Variants in UQCC1 observed in about 807,000 individuals in gnomAD.
UQCC1 encodes bFGF-repressed Zic-binding protein.
Under a neutral mutation model 48.0 loss-of-function variants are expected in UQCC1, and 38 were observed. That is an observed-to-expected ratio of 0.79 (90% confidence interval 0.61 to 1.04). The LOEUF (loss-of-function observed/expected upper bound fraction) is 1.04, where lower values mean the gene tolerates loss of function less well. Ranked by LOEUF, UQCC1 falls within the 50% of genes least tolerant of loss-of-function variation. The pLI is 0.00. For synonymous variants in UQCC1, 111 were observed against 129.2 expected (o/e 0.86, Z 0.95); for missense variants, 368 against 381.8 (o/e 0.96, Z 0.30).
chr20:35,319,594 C>A (rs369211978), intron 7 of UQCC1, among the ~76,000 whole-genome samples: 1 of 151,932 alleles, frequency 6.6e-6, no homozygotes, highest in Non-Finnish European at 1.5e-5. Flanking sequence ...AGGCCAGGGA[C>A]GGGTCCTGGA....
rs1370852913 is a variant in UQCC1 at position 35,410,716 on chromosome 20, A to AAAAAAAAAAAAAAAAAAAC, written c.24+1223_24+1224insGTTTTTTTTTTTTTTTTTT. Among the ~76,000 whole-genome samples the AAAAAAAAAAAAAAAAAAAC allele has an allele frequency of 2.0e-4, 22 of 108,758 alleles. 1 individual carries two copies. Among genetic ancestry groups the AAAAAAAAAAAAAAAAAAAC allele is most frequent in the African/African-American group, 5.4e-4 (14 of 25,900 alleles). The allele number at this position is 108,758 out of a possible 152,430, so 71.3% of individuals were successfully genotyped here. A position where few individuals can be genotyped will look rare whatever the true frequency, so the allele number is the denominator to read the frequency against. The stretch of plus-strand genomic sequence containing the variant: ...CAAGACTCTGCCTCAAAAAAAAAAA[A>AAAAAAAAAAAAAAAAAAAC]AAAAAAAACAAAACCCTAAAGGGTG... On this transcript the variant is annotated intron_variant, in intron 1 of 9. Coordinates refer to ENST00000374385, the MANE Select transcript of UQCC1 (RefSeq NM_018244.5).
At chr20:35,329,336 A>G (rs1483305708) in intron 7 of UQCC1, among the ~76,000 whole-genome samples, 4 of 152,218 alleles carry the variant, frequency 2.6e-5, no homozygotes, top group Admixed American at 1.3e-4. Flanking sequence ...TCAGTAGGAC[A>G]GTTGAGGCCC....
Position 35,303,735 on chromosome 20 carries a change from G to A in UQCC1, c.*200C>T, listed in dbSNP as rs931109916. ...AGAGGACACCCCGGGAGAGCTAGGG[G>A]TTCTCCCAGCCCTGTACCCCAGCAG... On this transcript the variant is annotated 3_prime_UTR_variant, in exon 10 of 10. Coordinates refer to ENST00000374385, the MANE Select transcript of UQCC1 (RefSeq NM_018244.5). The A allele has an allele frequency of 4.7e-5, 33 of 700,400 alleles. No homozygotes were observed. The highest frequency in any genetic ancestry group is 7.3e-5 in the Non-Finnish European group (31 of 426,510). The allele number at this position is 700,400 out of a possible 1,614,324, so 43.4% of individuals were successfully genotyped here. A position where few individuals can be genotyped will look rare whatever the true frequency, so the allele number is the denominator to read the frequency against.
intron 1 of UQCC1, among the ~76,000 whole-genome samples, chr20:35,402,585 AAAC>A (rs2062181367): frequency 6.4e-5 from 1 of 15,514 alleles, no homozygotes. Flanking sequence ...CTCAAAAAAC[AAAC>A]AAACAAACAA....
chr20:35,411,568 C>T (rs775243574), intron 1 of UQCC1, among the ~76,000 whole-genome samples: 1 of 152,114 alleles, frequency 6.6e-6, no homozygotes, highest in Non-Finnish European at 1.5e-5. Flanking sequence ...CCAAAAGTGA[C>T]TTGCTTAAAG....
chr20:35,311,917 C>T (rs2060999494), intron 8 of UQCC1, among the ~76,000 whole-genome samples: 2 of 152,178 alleles, frequency 1.3e-5, no homozygotes, highest in South Asian at 4.1e-4. Context: ...GAATTGTAAT[C>T]TTCAGAGAGG....
chr20:35,381,676 C>A (rs564056836), intron 4 of UQCC1, among the ~76,000 whole-genome samples: 2 of 152,184 alleles, frequency 1.3e-5, no homozygotes, highest in Non-Finnish European at 2.9e-5. Flanking sequence ...CAACCAAGAA[C>A]ACAGCTTCAA....
At chr20:35,397,149 A>G (rs1336680399) in intron 1 of UQCC1, among the ~76,000 whole-genome samples, 1 of 150,618 alleles carries the variant, frequency 6.6e-6, no homozygotes, top group East Asian at 1.9e-4. Flanking sequence ...AAGTGAGCAG[A>G]GATTGTGCCA....
At chr20:35,355,169 ATTG>A (rs1216274590) in intron 6 of UQCC1, among the ~76,000 whole-genome samples, 2 of 152,192 alleles carry the variant, frequency 1.3e-5, no homozygotes, top group Non-Finnish European at 2.9e-5. Flanking sequence ...CCAGATGGGA[ATTG>A]TTATTTTTCT....
In UQCC1 at chr20:35,314,668, G is replaced by A; in HGVS notation, c.651+20C>T. 6.3e-7 allele frequency: 1 copy of A among 1,596,718 alleles called. No individual in the cohort carries two copies. The highest frequency in any genetic ancestry group is 8.6e-7 in the Non-Finnish European group (1 of 1,167,142). On this transcript the variant is annotated intron_variant, in intron 8 of 9. Coordinates refer to ENST00000374385, the MANE Select transcript of UQCC1 (RefSeq NM_018244.5). ...TGGGGGAGGCCACCGTCCTGCCTAA[G>A]CCTTGGCAAACAATCTTACCTCATC... is the stretch of plus-strand genomic sequence containing the variant.
chr20:35,384,048 G>C lies in UQCC1; in HGVS notation c.215C>G (p.Thr72Ser). Residue 72 changes from threonine to serine, a missense_variant, in exon 3 of 10, where the codon ACC (threonine) becomes AGC (serine). Thr to Ser is a moderately conservative substitution (Grantham distance 58). Coordinates refer to ENST00000374385, the MANE Select transcript of UQCC1 (RefSeq NM_018244.5). ...IDIQLNRKYH[T>S]TRKLSTTKDS... ...ACTGATAATTCTCACCTTACGTGTG[G>C]TGTGATACTTCCTATTCAGCTGTAT... 6.2e-7 allele frequency: 1 copy of C among 1,611,880 alleles called. No individual in the cohort carries two copies. The highest frequency in any genetic ancestry group is 8.5e-7 in the Non-Finnish European group (1 of 1,178,188).
intron 7 of UQCC1, among the ~76,000 whole-genome samples, chr20:35,339,215 A>G (rs932913836): frequency 1.3e-5 from 2 of 152,226 alleles, no homozygotes. Context: ...GCAAGTATTT[A>G]TGTTCATCCA....
At chr20:35,314,843 A>C in intron 7 of UQCC1, 78 bp from the exon 8 acceptor site, 1 of 1,156,978 alleles carries the variant, frequency 8.6e-7, no homozygotes, top group East Asian at 2.5e-5. Context: ...TTTGACTCTT[A>C]GCTGTCACAG....
At chr20:35,400,481 C>CA (rs542679596) in intron 1 of UQCC1, among the ~76,000 whole-genome samples, 15 of 147,498 alleles carry the variant, frequency 1.0e-4, no homozygotes, top group African/African-American at 1.2e-4. Context: ...ACTTCAAAAC[C>CA]AAAAAAAAAA....
intron 1 of UQCC1, among the ~76,000 whole-genome samples, chr20:35,406,229 C>T (rs769710601): frequency 6.6e-6 from 1 of 152,120 alleles, no homozygotes; most frequent in African/African-American, 2.4e-5. Flanking sequence ...ACATCCCAAA[C>T]ATAATGGAAA....
chr20:35,409,426 C>T (rs1286738671), intron 1 of UQCC1: 2 of 168,994 alleles, frequency 1.2e-5, no homozygotes, highest in South Asian at 1.5e-4. Context: ...GCCAAGATCA[C>T]GCCATTGCAC....
chr20:35,392,540 C>A (rs2062025868), intron 2 of UQCC1, among the ~76,000 whole-genome samples: 1 of 152,202 alleles, frequency 6.6e-6, no homozygotes, highest in African/African-American at 2.4e-5. Context: ...CATCTACACA[C>A]ATACAAATAA....
intron 2 of UQCC1, among the ~76,000 whole-genome samples, chr20:35,387,701 A>T (rs993831524): frequency 1.3e-5 from 2 of 152,172 alleles, no homozygotes; most frequent in Non-Finnish European, 2.9e-5. Context: ...GCTGGAAGAA[A>T]TCTCAGAGAT....
intron 8 of UQCC1, 89 bp downstream of exon 8, chr20:35,314,598 TG>T: frequency 1.9e-6 from 2 of 1,041,386 alleles, no homozygotes; most frequent in Non-Finnish European, 2.9e-6. Flanking sequence ...CCAGTAACAA[TG>T]GTCCCTGTGG....
Sources: gnomAD v4.1 joint callset for allele counts (sites outside exome capture counted in the v4.1 genomes callset) on GRCh38, gnomAD v4.1.1 for gene constraint, MANE v1.5 for transcripts, NCBI Gene and HGNC (gene_info 2026-07-23, HGNC 2026-07-21) for gene names.